Variants in PTPRM observed in about 807,000 individuals in gnomAD.
The protein encoded by PTPRM is protein tyrosine phosphatase receptor type M, also known as receptor-type tyrosine-protein phosphatase mu.
In PTPRM, 47 loss-of-function variants were observed where a neutral mutation model predicts 186.7. That is an observed-to-expected ratio of 0.25 (90% CI 0.20 to 0.32). The LOEUF (loss-of-function observed/expected upper bound fraction) is 0.32, where lower values mean the gene tolerates loss of function less well. Among genes scored for constraint, PTPRM ranks in the 10% least tolerant of loss-of-function variants. PTPRM has a pLI of 1.00. For missense variants in PTPRM, 1,494 were observed against 1,865.0 expected (o/e 0.80, Z 3.66); for synonymous variants, 668 against 674.9 (o/e 0.99, Z 0.16).
At chr18:7,664,794 A>G (rs2039060173) in intron 1 of PTPRM, among the ~76,000 whole-genome samples, 1 of 152,160 alleles carries the variant, frequency 6.6e-6, no homozygotes, top group South Asian at 2.1e-4. Flanking sequence ...AGATGTCTGG[A>G]TATATTACTG....
At chr18:8,155,933 A>T (rs1019813073) in intron 14 of PTPRM, among the ~76,000 whole-genome samples, 1 of 152,226 alleles carries the variant, frequency 6.6e-6, no homozygotes, top group African/African-American at 2.4e-5. Flanking sequence ...TCTTTGTGAC[A>T]ATTATTTAAA....
chr18:8,387,612 T>G (rs1052746527), intron 31 of PTPRM, among the ~76,000 whole-genome samples: 2 of 151,996 alleles, frequency 1.3e-5, no homozygotes, highest in African/African-American at 2.4e-5. Context: ...GGTAGAAGGA[T>G]TTACATCATG....
At chr18:8,046,408 A>G (rs1204687213) in intron 7 of PTPRM, among the ~76,000 whole-genome samples, 1 of 152,224 alleles carries the variant, frequency 6.6e-6, no homozygotes, top group Non-Finnish European at 1.5e-5. Context: ...TTGACCTTCT[A>G]AAACCTCCAC....
Position 8,125,972 on chromosome 18 carries a change from T to TATAC in PTPRM, c.2167+11149_2167+11152dup, listed in dbSNP as rs1600704750. Among the ~76,000 whole-genome samples, 5 of 87,530 alleles carry TATAC rather than the reference T, an allele frequency of 5.7e-5. No individual in the cohort carries two copies. The East Asian group carries it at 1.1e-3, about 19-fold the overall frequency. 57.4% of individuals were successfully genotyped at this position (87,530 alleles called of 152,430 possible). ...CTGTGGAGAATGCTATATGTGTGTG[T>TATAC]ATACATATATATATATATATATATA... is the stretch of plus-strand genomic sequence containing the variant. On this transcript the variant is annotated intron_variant, in intron 13 of 32. Coordinates refer to ENST00000580170, the MANE Select transcript of PTPRM (RefSeq NM_001105244.2).
intron 14 of PTPRM, among the ~76,000 whole-genome samples, chr18:8,181,267 A>G (rs181857734): frequency 2.6e-5 from 4 of 152,320 alleles, no homozygotes; most frequent in Admixed American, 1.3e-4. Context: ...TCTTTCTCCA[A>G]GTGTACCCCG....
chr18:8,263,936 A>T (rs1038721905), intron 19 of PTPRM, among the ~76,000 whole-genome samples: 1 of 152,186 alleles, frequency 6.6e-6, no homozygotes, highest in African/African-American at 2.4e-5. Flanking sequence ...CTAGTGAATA[A>T]ATTAAACCTA....
intron 7 of PTPRM, among the ~76,000 whole-genome samples, chr18:8,046,845 A>G (rs77126745): frequency 0.013 from 1,946 of 151,782 alleles, 36 homozygotes; most frequent in African/African-American, 0.044. Flanking sequence ...ACCCATCCAT[A>G]CTCCTGGACC....
intron 25 of PTPRM, 54 bp downstream of exon 25, chr18:8,376,254 G>T (rs1198608302): frequency 6.3e-7 from 1 of 1,590,840 alleles, no homozygotes; most frequent in East Asian, 2.2e-5. Context: ...ATGGGTGCAG[G>T]GCCACCTTTG....
At chr18:7,716,855 T>C (rs910774366) in intron 1 of PTPRM, among the ~76,000 whole-genome samples, 1 of 152,200 alleles carries the variant, frequency 6.6e-6, no homozygotes, top group African/African-American at 2.4e-5. Flanking sequence ...TGTGGAGACA[T>C]AGGAATGCTT....
intron 17 of PTPRM, among the ~76,000 whole-genome samples, chr18:8,250,274 C>CGATA (rs1260223820): frequency 7.2e-5 from 11 of 151,804 alleles, no homozygotes; most frequent in Non-Finnish European, 1.0e-4. Flanking sequence ...ATGGATGGAT[C>CGATA]GATAGATAGA....
At chr18:7,807,382 T>C (rs2044286755) in intron 2 of PTPRM, among the ~76,000 whole-genome samples, 1 of 152,230 alleles carries the variant, frequency 6.6e-6, no homozygotes, top group Non-Finnish European at 1.5e-5. Flanking sequence ...CAGCTGTTCT[T>C]TGACACTTTA....
At chr18:7,892,977 C>T (rs907494355) in intron 3 of PTPRM, among the ~76,000 whole-genome samples, 9 of 152,126 alleles carry the variant, frequency 5.9e-5, no homozygotes, top group African/African-American at 1.2e-4. Context: ...AGGGTTTCAG[C>T]GTGAACTTGG....
At chr18:7,761,816 A>G (rs2041789347) in intron 1 of PTPRM, among the ~76,000 whole-genome samples, 1 of 152,126 alleles carries the variant, frequency 6.6e-6, no homozygotes, top group African/African-American at 2.4e-5. Flanking sequence ...AGTGATGGTG[A>G]CAGGGAAGGA....
At chr18:7,896,744 T>G (rs1260444833) in intron 3 of PTPRM, among the ~76,000 whole-genome samples, 4 of 152,172 alleles carry the variant, frequency 2.6e-5, no homozygotes, top group African/African-American at 9.6e-5. Flanking sequence ...GAGTTCTTTG[T>G]GCAGCAAGGA....
chr18:7,927,565 T>C (rs2051248931), intron 5 of PTPRM, among the ~76,000 whole-genome samples: 1 of 152,078 alleles, frequency 6.6e-6, no homozygotes, highest in Admixed American at 6.6e-5. Flanking sequence ...TGTACGCGGT[T>C]GTGCTCCACA....
intron 17 of PTPRM, among the ~76,000 whole-genome samples, chr18:8,249,548 G>A (rs976545564): frequency 2.6e-5 from 4 of 152,140 alleles, no homozygotes; most frequent in Non-Finnish European, 5.9e-5. Context: ...TTTGATAGGC[G>A]AAGATTTGCG....
At chr18:7,920,579 G>A (rs1209221217) in intron 4 of PTPRM, among the ~76,000 whole-genome samples, 3 of 152,026 alleles carry the variant, frequency 2.0e-5, no homozygotes, top group Non-Finnish European at 4.4e-5. Context: ...ACCTATTACT[G>A]TTTTTGATAG....
intron 8 of PTPRM, among the ~76,000 whole-genome samples, chr18:8,074,125 T>C (rs922642849): frequency 3.3e-5 from 5 of 152,132 alleles, no homozygotes; most frequent in Non-Finnish European, 7.4e-5. Flanking sequence ...ATAAGTAGCC[T>C]CTAATCTCAA....
intron 19 of PTPRM, among the ~76,000 whole-genome samples, chr18:8,262,459 G>A (rs193040287): frequency 1.6e-3 from 246 of 152,202 alleles, no homozygotes; most frequent in African/African-American, 5.6e-3. Flanking sequence ...GCTTCCCACC[G>A]TGCAGGCTGT....
Sources: gnomAD v4.1 joint callset for allele counts (sites outside exome capture counted in the v4.1 genomes callset) on GRCh38, gnomAD v4.1.1 for gene constraint, MANE v1.5 for transcripts, NCBI Gene and HGNC (gene_info 2026-07-23, HGNC 2026-07-21) for gene names.